The following LRP1B variants were observed in gnomAD, a reference collection of about 807,000 sequenced individuals.
The protein encoded by LRP1B is LDL receptor related protein 1B.
LRP1B carries 217 observed loss-of-function variants against 556.6 expected under a neutral mutation model. That is an observed-to-expected ratio of 0.39 (90% CI 0.35 to 0.44). The LOEUF is 0.44. LRP1B is among the 20% of genes least tolerant of loss of function. The probability of loss-of-function intolerance (pLI) is 1.00; values close to 1 mark genes in which losing one functional copy is unlikely to be tolerated. For synonymous variants in LRP1B, 2,047 were observed against 1,865.8 expected (o/e 1.10, Z -2.50); for missense variants, 5,053 against 5,620.8 (o/e 0.90, Z 3.23).
At chr2:141,564,351 CTG>C (rs1418386921) in intron 2 of LRP1B, among the ~76,000 whole-genome samples, 1 of 152,044 alleles carries the variant, frequency 6.6e-6, no homozygotes, top group Admixed American at 6.6e-5. Flanking sequence ...AAAGAAGAAT[CTG>C]TGAAAATAGC....
intron 59 of LRP1B, among the ~76,000 whole-genome samples, chr2:140,477,148 T>C (rs1573982327): frequency 6.6e-6 from 1 of 151,980 alleles, no homozygotes; most frequent in Non-Finnish European, 1.5e-5. Flanking sequence ...AAGAAGAAAC[T>C]GAATCAGAAA....
intron 32 of LRP1B, among the ~76,000 whole-genome samples, chr2:140,795,454 C>A (rs11682227): frequency 0.44 from 66,759 of 151,914 alleles, 16,476 homozygotes; most frequent in East Asian, 0.66. Context: ...CAGAATATTT[C>A]CTGAATGGCT....
intron 58 of LRP1B, among the ~76,000 whole-genome samples, chr2:140,485,841 GCACATA>G (rs1466026238): frequency 1.3e-4 from 7 of 54,798 alleles, no homozygotes; most frequent in African/African-American, 3.9e-4. Context: ...AAATTCTCAC[GCACATA>G]CACACACACA....
At chr2:140,638,787 A>C (rs1039913403) in intron 41 of LRP1B, among the ~76,000 whole-genome samples, 14 of 151,788 alleles carry the variant, frequency 9.2e-5, no homozygotes, top group Non-Finnish European at 1.8e-4. Context: ...ATATGAAAAA[A>C]TATATATGAA....
chr2:140,926,691 A>G (rs960864737), intron 20 of LRP1B, among the ~76,000 whole-genome samples: 12 of 152,050 alleles, frequency 7.9e-5, no homozygotes, highest in African/African-American at 2.9e-4. Context: ...AATACCTAGG[A>G]TTGGGTCTAT....
At chr2:140,610,373 A>G (rs994534270) in intron 41 of LRP1B, among the ~76,000 whole-genome samples, 1 of 152,192 alleles carries the variant, frequency 6.6e-6, no homozygotes, top group Non-Finnish European at 1.5e-5. Flanking sequence ...TCACTTGTGG[A>G]ATAAATCAAT....
At chr2:141,719,360 C>T (rs1457671737) in intron 2 of LRP1B, among the ~76,000 whole-genome samples, 1 of 151,908 alleles carries the variant, frequency 6.6e-6, no homozygotes, top group Non-Finnish European at 1.5e-5. Flanking sequence ...ATATCAAGAC[C>T]AAGACAGAAT....
At chr2:141,795,897 TATA>T (rs1192090726) in intron 2 of LRP1B, among the ~76,000 whole-genome samples, 3 of 78,080 alleles carry the variant, frequency 3.8e-5, no homozygotes, top group East Asian at 5.6e-4. Context: ...TATATATATA[TATA>T]ATCTTTAAGC....
chr2:140,603,793 T>G (rs919522118), intron 41 of LRP1B, among the ~76,000 whole-genome samples: 1 of 152,146 alleles, frequency 6.6e-6, no homozygotes, highest in Non-Finnish European at 1.5e-5. Context: ...TTAAAATATT[T>G]TAGTCATGTA....
At chr2:140,746,838 G>A (rs533244614) in intron 35 of LRP1B, among the ~76,000 whole-genome samples, 83 of 151,414 alleles carry the variant, frequency 5.5e-4, no homozygotes, top group African/African-American at 1.9e-3. Flanking sequence ...GTAAACCTAT[G>A]TTCATTAACA....
Position 141,859,807 on chromosome 2 carries a change from A to G in LRP1B, c.83-49406T>C, listed in dbSNP as rs368988131. ...CAAAAGTATATTTTCAGTATTTATG[A>G]CTGCTAAAAAACAGTGGTGAGAAAA... is the stretch of plus-strand genomic sequence containing the variant. On this transcript the variant is annotated intron_variant, in intron 1 of 90. Coordinates refer to ENST00000389484, the MANE Select transcript of LRP1B (RefSeq NM_018557.3). Among the ~76,000 whole-genome samples, 21 of 152,286 alleles carry G rather than the reference A, an allele frequency of 1.4e-4. No individual in the cohort carries two copies. The East Asian group carries it at 3.7e-3, about 27-fold the overall frequency.
intron 2 of LRP1B, among the ~76,000 whole-genome samples, chr2:141,640,217 A>C (rs1353797268): frequency 6.6e-6 from 1 of 152,194 alleles, no homozygotes; most frequent in South Asian, 2.1e-4. Context: ...ACAGATCATG[A>C]TAATTACTCG....
intron 3 of LRP1B, among the ~76,000 whole-genome samples, chr2:141,459,096 G>A (rs577802563): frequency 3.0e-5 from 2 of 66,736 alleles, no homozygotes; most frequent in East Asian, 9.7e-4. Context: ...TTAGAGAGCT[G>A]AACAGGACAG....
intron 3 of LRP1B, among the ~76,000 whole-genome samples, chr2:141,384,331 A>G (rs6709220): frequency 0.054 from 8,257 of 152,262 alleles, 259 homozygotes; most frequent in South Asian, 0.08. Context: ...AAAGGTAACT[A>G]CATAGCTAAA....
intron 60 of LRP1B, among the ~76,000 whole-genome samples, chr2:140,469,758 T>C (rs1220369368): frequency 6.6e-6 from 1 of 152,212 alleles, no homozygotes; most frequent in South Asian, 2.1e-4. Flanking sequence ...AATCTTCAAT[T>C]GTCTGTTCAA....
At chr2:140,545,242 T>C (rs1187390187) in intron 43 of LRP1B, among the ~76,000 whole-genome samples, 1 of 151,982 alleles carries the variant, frequency 6.6e-6, no homozygotes, top group African/African-American at 2.4e-5. Flanking sequence ...AGGTGGTCTG[T>C]TTACCCTGCC....
chr2:140,333,721 C>T (rs1300627327), intron 79 of LRP1B, among the ~76,000 whole-genome samples: 1 of 151,900 alleles, frequency 6.6e-6, no homozygotes, highest in African/African-American at 2.4e-5. Flanking sequence ...TGGCACAGAG[C>T]CCTTGAGGCT....
At chr2:141,670,654 G>A (rs1690632077) in intron 2 of LRP1B, among the ~76,000 whole-genome samples, 1 of 152,120 alleles carries the variant, frequency 6.6e-6, no homozygotes, top group African/African-American at 2.4e-5. Flanking sequence ...TAAAATCAGT[G>A]GTTGTTGTAG....
intron 18 of LRP1B, among the ~76,000 whole-genome samples, chr2:140,955,604 GA>G (rs1251619889): frequency 2.6e-5 from 4 of 151,704 alleles, no homozygotes; most frequent in Non-Finnish European, 4.4e-5. Context: ...ATTTAATATG[GA>G]TTAATGGACT....
Sources: allele counts gnomAD v4.1 joint callset (sites outside exome capture counted in the v4.1 genomes callset), GRCh38; gene constraint gnomAD v4.1.1; transcripts MANE v1.5; gene names NCBI Gene and HGNC (gene_info 2026-07-23, HGNC 2026-07-21).